PCDH11X: variants seen among roughly 807,000 people sequenced by gnomAD.
The protein encoded by PCDH11X is protocadherin-11 X-linked.
A neutral mutation model predicts 53.3 loss-of-function variants in PCDH11X; 18 were observed. The ratio of observed to expected loss-of-function variants is 0.34; its 90% CI spans 0.23 to 0.50. The LOEUF is 0.50. PCDH11X is among the 20% of genes least tolerant of loss of function. The pLI is 0.98. For synonymous variants in PCDH11X, 279 were observed against 393.3 expected (o/e 0.71, Z 3.44); for missense variants, 570 against 1,032.4 (o/e 0.55, Z 6.14).
intron 10 of PCDH11X, among the ~76,000 whole-genome samples, chrX:92,594,872 C>A (rs753018114): frequency 3.8e-4 from 40 of 106,456 alleles, no homozygotes; most frequent in African/African-American, 1.1e-3. Flanking sequence ...TGGAGTCCAG[C>A]AAACCTTTTT....
At chrX:91,918,795 T>A (rs4893160) in intron 6 of PCDH11X, among the ~76,000 whole-genome samples, 21,862 of 110,714 alleles carry the variant, frequency 0.2, 2,225 homozygotes, top group Admixed American at 0.47. Context: ...GTGCAGTTTT[T>A]AAAAAATTTT....
chrX:92,111,983 C>A (rs1169895501), intron 6 of PCDH11X, among the ~76,000 whole-genome samples: 1 of 108,565 alleles, frequency 9.2e-6, no homozygotes, highest in Non-Finnish European at 1.9e-5. Context: ...GGTCTCGATT[C>A]CCTGACCTCG....
chrX:92,319,064 G>A (rs1178296479), intron 8 of PCDH11X, among the ~76,000 whole-genome samples: 1 of 112,112 alleles, frequency 8.9e-6, no homozygotes, highest in Non-Finnish European at 1.9e-5. Context: ...TTTGCAAGCA[G>A]CCTCATTGCT....
chrX:92,198,436 A>G (rs1471511930), intron 6 of PCDH11X, among the ~76,000 whole-genome samples: 1 of 97,388 alleles, frequency 1.0e-5, no homozygotes. Flanking sequence ...AAAAAAAAAA[A>G]TCACAAAACC....
chrX:92,115,223 A>G (rs181101073), intron 6 of PCDH11X, among the ~76,000 whole-genome samples: 2 of 110,226 alleles, frequency 1.8e-5, no homozygotes, highest in Admixed American at 9.8e-5. Context: ...TCTTACCACT[A>G]CTTTATATTG....
At chrX:92,282,291 A>T (rs891135336) in intron 8 of PCDH11X, among the ~76,000 whole-genome samples, 3 of 111,782 alleles carry the variant, frequency 2.7e-5, no homozygotes, top group Non-Finnish European at 5.7e-5. Context: ...TCATCTTAAA[A>T]TTTTTTTCCT....
chrX:92,218,954 T>C (rs1233243519), intron 7 of PCDH11X, among the ~76,000 whole-genome samples: 4 of 110,937 alleles, frequency 3.6e-5, no homozygotes, highest in Non-Finnish European at 7.6e-5. Flanking sequence ...ACCACATGAT[T>C]ATCTCAATAG....
At chrX:92,106,112 C>G (rs1425749931) in intron 6 of PCDH11X, among the ~76,000 whole-genome samples, 1 of 110,078 alleles carries the variant, frequency 9.1e-6, no homozygotes, top group Non-Finnish European at 1.9e-5. Context: ...ATCTTTCACA[C>G]ATATCATTTA....
intron 10 of PCDH11X, among the ~76,000 whole-genome samples, chrX:92,484,139 A>G (rs1371452151): frequency 2.7e-5 from 1 of 37,275 alleles, no homozygotes; most frequent in African/African-American, 9.2e-5. Context: ...GTATATATGT[A>G]TGTATATATA....
At chrX:92,515,959 C>G (rs932169995) in intron 10 of PCDH11X, among the ~76,000 whole-genome samples, 5 of 111,981 alleles carry the variant, frequency 4.5e-5, no homozygotes, top group African/African-American at 1.6e-4. Context: ...CAATGTTATA[C>G]TGCTCATGAT....
At chrX:92,591,808 G>T (rs1925064667) in intron 10 of PCDH11X, among the ~76,000 whole-genome samples, 1 of 111,040 alleles carries the variant, frequency 9.0e-6, no homozygotes, top group South Asian at 3.8e-4. Context: ...CCTCATCTTT[G>T]TTGGGATTTT....
chrX:92,519,704 T>C (rs1426005658), intron 10 of PCDH11X, among the ~76,000 whole-genome samples: 1 of 105,227 alleles, frequency 9.5e-6, no homozygotes. Context: ...TCAAATAGTA[T>C]ACTTCATTTC....
chrX:92,167,213 G>A (rs1429748522), intron 6 of PCDH11X, among the ~76,000 whole-genome samples: 1 of 110,726 alleles, frequency 9.0e-6, no homozygotes, highest in Non-Finnish European at 1.9e-5. Flanking sequence ...TATAAAACTG[G>A]AAGTTATATT....
chrX:92,460,434 C>G (rs5984958), intron 9 of PCDH11X: 322,146 of 808,580 alleles, frequency 0.4, 50,330 homozygotes, highest in African/African-American at 0.89. Flanking sequence ...AATATGACGA[C>G]CTGGCTGGGA....
At chrX:92,514,910 G>T (rs1480432087) in intron 10 of PCDH11X, among the ~76,000 whole-genome samples, 1 of 105,777 alleles carries the variant, frequency 9.5e-6, no homozygotes, top group East Asian at 3.0e-4. Context: ...AGCCAGGCGT[G>T]GTGGCGGGTG....
At chrX:92,239,551 TA>T (rs1457561989) in intron 7 of PCDH11X, among the ~76,000 whole-genome samples, 1 of 111,779 alleles carries the variant, frequency 8.9e-6, no homozygotes, top group Non-Finnish European at 1.9e-5. Flanking sequence ...AGAAGACTTT[TA>T]AAAAGATCTT....
At chrX:92,277,568 T>C (rs2926157) in intron 8 of PCDH11X, among the ~76,000 whole-genome samples, 5,579 of 98,489 alleles carry the variant, frequency 0.057, 350 homozygotes, top group East Asian at 0.25. Context: ...GGAAGGGGTT[T>C]GGGGGTTCTT....
chrX:91,960,280 A>G (rs1403147606), intron 6 of PCDH11X, among the ~76,000 whole-genome samples: 2 of 109,176 alleles, frequency 1.8e-5, no homozygotes, highest in African/African-American at 6.7e-5. Context: ...GTTTAATGCA[A>G]TTCCACTTGT....
intron 6 of PCDH11X, among the ~76,000 whole-genome samples, chrX:92,131,246 G>A (rs921494037): frequency 8.9e-6 from 1 of 112,176 alleles, no homozygotes; most frequent in Non-Finnish European, 1.9e-5. Context: ...GATATGTACA[G>A]TGTTGATTTT....
Sources: gnomAD v4.1 joint callset for allele counts (sites outside exome capture counted in the v4.1 genomes callset) on GRCh38, gnomAD v4.1.1 for gene constraint, MANE v1.5 for transcripts, NCBI Gene and HGNC (gene_info 2026-07-23, HGNC 2026-07-21) for gene names.